NRG1: variants seen among roughly 807,000 people sequenced by gnomAD.
The protein encoded by NRG1 is pro-neuregulin-1, membrane-bound isoform.
NRG1 carries 18 observed loss-of-function variants against 63.8 expected under a neutral mutation model. That is an observed-to-expected ratio of 0.28 (90% CI 0.19 to 0.42). NRG1 has a LOEUF of 0.42. NRG1 is among the 10% of genes least tolerant of loss of function. The pLI is 1.00. For synonymous variants in NRG1, 302 were observed against 301.3 expected, an observed-to-expected ratio of 1.00 and a Z score of -0.02; for missense variants, 762 against 814.7, an observed-to-expected ratio of 0.94 and a Z score of 0.79.
rs1232281642 is a variant in NRG1 at position 32,301,541 on chromosome 8, A to C, written c.38-294287A>C. On this transcript the variant is annotated intron_variant, in intron 1 of 10. Transcript: ENST00000519301. The stretch of plus-strand genomic sequence containing the variant: ...CTATTAGTCCATTTTCGTGCTGCTG[A>C]TAAAGACATACCCAAGACTGGACAA... Among the ~76,000 whole-genome samples, 6 of 152,190 alleles carry C rather than the reference A, an allele frequency of 3.9e-5. No individual in the cohort carries two copies. The East Asian group carries it at 1.2e-3, about 29-fold the overall frequency.
intron 1 of NRG1, among the ~76,000 whole-genome samples, chr8:32,511,334 T>C (rs1290593256): frequency 6.9e-6 from 1 of 144,710 alleles, no homozygotes; most frequent in East Asian, 2.0e-4. Context: ...CATATATATG[T>C]GTGTGTGTGT....
chr8:32,187,858 C>G (rs1030817203), intron 1 of NRG1, among the ~76,000 whole-genome samples: 1 of 152,186 alleles, frequency 6.6e-6, no homozygotes, highest in Admixed American at 6.5e-5. Flanking sequence ...CTAAAGACAA[C>G]GTACCCACTT....
chr8:31,871,281 T>C (rs535272465), intron 1 of NRG1, among the ~76,000 whole-genome samples: 19 of 152,244 alleles, frequency 1.2e-4, no homozygotes, highest in African/African-American at 4.3e-4. Context: ...GTCCTTGTTT[T>C]CCTTTTGTCA....
chr8:32,599,336 T>C (rs1319586073), intron 2 of NRG1, among the ~76,000 whole-genome samples: 2 of 152,134 alleles, frequency 1.3e-5, no homozygotes, highest in African/African-American at 4.8e-5. Context: ...TTAAATACTT[T>C]GACTCTTTCC....
In NRG1 at chr8:32,087,482, C is replaced by CTTT. The variant is rs67438409; in HGVS notation, c.37+448066_37+448068dup. ...CCAGCCTCAGGTATTTCTTTTCTTT[C>CTTT]TTTTTTTTTTTTTTTTTGAGATGGA... On this transcript the variant is annotated intron_variant, in intron 1 of 10. Coordinates refer to the NRG1 transcript ENST00000519301. Among the ~76,000 whole-genome samples the CTTT allele has an allele frequency of 4.6e-3, 414 of 90,266 alleles. 34 individuals carry two copies. Among genetic ancestry groups the CTTT allele is most frequent in the African/African-American group, 0.015 (379 of 26,064 alleles). 59.2% of individuals were successfully genotyped at this position (90,266 alleles called of 152,430 possible). A position where few individuals can be genotyped will look rare whatever the true frequency, so the allele number is the denominator to read the frequency against.
chr8:31,651,315 A>G (rs1248324773), intron 1 of NRG1, among the ~76,000 whole-genome samples: 1 of 152,276 alleles, frequency 6.6e-6, no homozygotes, highest in Non-Finnish European at 1.5e-5. Flanking sequence ...ATGATAAAGT[A>G]TGATTAATCC....
intron 5 of NRG1, among the ~76,000 whole-genome samples, chr8:32,660,079 C>G (rs529959527): frequency 2.6e-5 from 4 of 152,224 alleles, no homozygotes; most frequent in East Asian, 1.9e-4. Context: ...CTGTATAGTA[C>G]CAAACAGTGT....
intron 1 of NRG1, among the ~76,000 whole-genome samples, chr8:31,987,798 A>G (rs1417975719): frequency 6.6e-6 from 1 of 152,142 alleles, no homozygotes; most frequent in Admixed American, 6.5e-5. Flanking sequence ...TCAGCATTTT[A>G]AATAACCTCT....
At chr8:32,590,350 G>A (rs536601270) in intron 1 of NRG1, among the ~76,000 whole-genome samples, 4 of 152,218 alleles carry the variant, frequency 2.6e-5, no homozygotes, top group Non-Finnish European at 5.9e-5. Context: ...TGGAACTACC[G>A]CCTCTCTAGA....
chr8:32,743,573 C>CATATATATATATATATAT (rs71879821), intron 7 of NRG1, among the ~76,000 whole-genome samples: 5,536 of 113,196 alleles, frequency 0.049, 203 homozygotes, highest in Non-Finnish European at 0.056. Flanking sequence ...TAAGGCAAAA[C>CATATATATATATATATAT]ATATATATAT....
intron 1 of NRG1, among the ~76,000 whole-genome samples, chr8:31,876,374 T>C (rs890359190): frequency 6.6e-6 from 1 of 152,174 alleles, no homozygotes. Flanking sequence ...CTGTTTGAGG[T>C]TGGAAAATCC....
At chr8:31,659,710 G>T (rs932872162) in intron 1 of NRG1, among the ~76,000 whole-genome samples, 5 of 152,148 alleles carry the variant, frequency 3.3e-5, no homozygotes, top group Admixed American at 3.3e-4. Context: ...AATATTTTGG[G>T]CTCAGGGCTT....
chr8:32,494,828 G>A (rs1827005009), intron 1 of NRG1, among the ~76,000 whole-genome samples: 1 of 147,918 alleles, frequency 6.8e-6, no homozygotes, highest in Non-Finnish European at 1.5e-5. Flanking sequence ...CATTGTCCTT[G>A]GTAGTAAATT....
chr8:32,209,733 C>A (rs1206249449), intron 1 of NRG1, among the ~76,000 whole-genome samples: 1 of 122,012 alleles, frequency 8.2e-6, no homozygotes, highest in South Asian at 2.6e-4. Context: ...TTCCTTCCTT[C>A]CTTCCTTCCT....
intron 1 of NRG1, among the ~76,000 whole-genome samples, chr8:32,416,150 T>C (rs1216867460): frequency 1.3e-5 from 2 of 152,232 alleles, no homozygotes; most frequent in Non-Finnish European, 2.9e-5. Context: ...AAGCCTCATG[T>C]TAGTTATCTG....
intron 1 of NRG1, among the ~76,000 whole-genome samples, chr8:32,098,094 A>G (rs1369468395): frequency 6.6e-6 from 1 of 152,074 alleles, no homozygotes; most frequent in African/African-American, 2.4e-5. Flanking sequence ...GAAAGAAACC[A>G]ACAAAGACAG....
chr8:31,867,109 A>T (rs923809669), intron 1 of NRG1, among the ~76,000 whole-genome samples: 9 of 152,090 alleles, frequency 5.9e-5, no homozygotes, highest in Non-Finnish European at 8.8e-5. Context: ...TTTCCTCTTC[A>T]TTGGAAACCA....
intron 7 of NRG1, 47 bp from the exon 8 acceptor site, chr8:32,754,325 G>T (rs746537264): frequency 1.9e-6 from 3 of 1,557,926 alleles, no homozygotes; most frequent in Non-Finnish European, 2.6e-6. Context: ...GTCAGTCCTG[G>T]CAAGTGGAAG....
At chr8:32,463,498 T>C (rs1822597704) in intron 1 of NRG1, among the ~76,000 whole-genome samples, 1 of 152,158 alleles carries the variant, frequency 6.6e-6, no homozygotes. Flanking sequence ...AGTGTAACTT[T>C]AAATCCACCT....
Sources: allele counts gnomAD v4.1 joint callset (sites outside exome capture counted in the v4.1 genomes callset), GRCh38; gene constraint gnomAD v4.1.1; transcripts MANE v1.5; gene names NCBI Gene and HGNC (gene_info 2026-07-23, HGNC 2026-07-21).